The following VAV1 variants were observed in gnomAD, a reference collection of about 807,000 sequenced individuals.
The protein encoded by VAV1 is proto-oncogene vav.
A neutral mutation model predicts 128.1 loss-of-function variants in VAV1; 33 were observed. That is an observed-to-expected ratio of 0.26 (90% CI 0.20 to 0.34). The LOEUF (loss-of-function observed/expected upper bound fraction) is 0.34, where lower values mean the gene tolerates loss of function less well. VAV1 is among the 10% of genes least tolerant of loss of function. VAV1 has a pLI of 1.00. For missense variants in VAV1, 715 were observed against 1,093.7 expected (o/e 0.65, Z 4.88); for synonymous variants, 394 against 409.8 (o/e 0.96, Z 0.47).
chr19:6,795,986 C>G (rs938737559), intron 1 of VAV1, among the ~76,000 whole-genome samples: 1 of 152,042 alleles, frequency 6.6e-6, no homozygotes, highest in Non-Finnish European at 1.5e-5. Context: ...CCCGGCTAGT[C>G]CACTCTGAGA....
At chr19:6,790,513 G>A (rs1355820868) in intron 1 of VAV1, among the ~76,000 whole-genome samples, 2 of 152,152 alleles carry the variant, frequency 1.3e-5, no homozygotes, top group Non-Finnish European at 2.9e-5. Flanking sequence ...ATCTTTCTCT[G>A]CCTATTCCTG....
intron 1 of VAV1, among the ~76,000 whole-genome samples, chr19:6,794,484 G>A (rs1262764343): frequency 6.6e-6 from 1 of 152,094 alleles, no homozygotes; most frequent in Non-Finnish European, 1.5e-5. Flanking sequence ...AGGCCTGGGC[G>A]ACACAATGAG....
chr19:6,825,732 G>A (rs2144777659), intron 8 of VAV1, among the ~76,000 whole-genome samples: 1 of 152,238 alleles, frequency 6.6e-6, no homozygotes, highest in East Asian at 1.9e-4. Flanking sequence ...TTTGTTAAAT[G>A]AAGGAACATT....
At chr19:6,844,060 CTTCTTTTTTTTTTTTT>C (rs1972449946) in intron 22 of VAV1, among the ~76,000 whole-genome samples, 1 of 18,798 alleles carries the variant, frequency 5.3e-5, no homozygotes, top group African/African-American at 1.8e-4. Context: ...TCTTCTTCTT[CTTCTTTTTTTTTTTTT>C]TTTTTTTTTT....
At chr19:6,789,515 T>G (rs1970970561) in intron 1 of VAV1, among the ~76,000 whole-genome samples, 1 of 152,024 alleles carries the variant, frequency 6.6e-6, no homozygotes, top group Non-Finnish European at 1.5e-5. Flanking sequence ...CCTCCCAAAG[T>G]GCTGGGATTT....
intron 1 of VAV1, among the ~76,000 whole-genome samples, chr19:6,815,723 T>C (rs530999582): frequency 1.3e-5 from 2 of 152,304 alleles, no homozygotes; most frequent in Admixed American, 1.3e-4. Context: ...GCTGTGTGTC[T>C]CACCTCAGTT....
chr19:6,809,605 G>A (rs907724215), intron 1 of VAV1, among the ~76,000 whole-genome samples: 4 of 152,086 alleles, frequency 2.6e-5, no homozygotes, highest in African/African-American at 9.7e-5. Context: ...TGGTGAGGTT[G>A]AACTTTGTGT....
chr19:6,805,622 A>G (rs1971380512), intron 1 of VAV1, among the ~76,000 whole-genome samples: 1 of 151,754 alleles, frequency 6.6e-6, no homozygotes, highest in African/African-American at 2.4e-5. Flanking sequence ...ACATACACGC[A>G]CACACACATG....
chr19:6,777,118 A>C lies in VAV1; in HGVS notation c.204+4107A>C, dbSNP rs1327599244. Among the ~76,000 whole-genome samples, 3 of 151,170 alleles carry C rather than the reference A, an allele frequency of 2.0e-5. No homozygotes were observed. The highest frequency in any genetic ancestry group is 4.4e-5 in the Non-Finnish European group (3 of 67,756). ...CATCCATCCATCTACTCATCCATCC[A>C]TCCATCCATCCATCCACCCATCCCA... On this transcript the variant is annotated intron_variant, in intron 1 of 26. Coordinates refer to ENST00000602142, the MANE Select transcript of VAV1 (RefSeq NM_005428.4). The surrounding 1 kb of genome is among the most constrained non-coding windows in gnomAD (Gnocchi z 4.4).
chr19:6,784,482 C>A (rs968783654), intron 1 of VAV1, among the ~76,000 whole-genome samples: 9 of 149,850 alleles, frequency 6.0e-5, no homozygotes, highest in African/African-American at 2.2e-4. Context: ...CCTTTCCATT[C>A]CATTCTGTTC....
rs1163986023 is a variant in VAV1, at chr19:6,828,738, G to T, written c.1179+30G>T. The T allele has an allele frequency of 6.2e-7, 1 of 1,614,044 alleles. No individual in the cohort carries two copies. Among genetic ancestry groups the T allele is most frequent in the Non-Finnish European group, 8.5e-7 (1 of 1,179,942 alleles). ...GGCGGTGGAGCCGGGTGGGCCAGGGGTGTGGCCACGTGGGGAGAGTGTGTG... is the reference window on the plus strand; with the variant it reads ...GGCGGTGGAGCCGGGTGGGCCAGGGTTGTGGCCACGTGGGGAGAGTGTGTG... On this transcript the variant is annotated intron_variant, in intron 12 of 26. Coordinates refer to ENST00000602142, the MANE Select transcript of VAV1 (RefSeq NM_005428.4). This position sits in a 1 kb window ranked among gnomAD's most constrained non-coding sequence, Gnocchi z 4.5.
At chr19:6,782,887 GAAA>G (rs544921560) in intron 1 of VAV1, among the ~76,000 whole-genome samples, 38 of 137,042 alleles carry the variant, frequency 2.8e-4, no homozygotes, top group African/African-American at 9.9e-4. Context: ...TGTCTCGGAA[GAAA>G]AAAAAAAAAG....
At chr19:6,814,308 T>C (rs909413471) in intron 1 of VAV1, among the ~76,000 whole-genome samples, 1 of 152,202 alleles carries the variant, frequency 6.6e-6, no homozygotes, top group African/African-American at 2.4e-5. Context: ...TCCACACCCT[T>C]ATCAAAACAG....
intron 21 of VAV1, among the ~76,000 whole-genome samples, chr19:6,841,790 G>C (rs1379564094): frequency 6.6e-6 from 1 of 151,840 alleles, no homozygotes; most frequent in Non-Finnish European, 1.5e-5. Context: ...GTTTTTCATA[G>C]TGCACCATTT....
At chr19:6,845,741 A>G (rs1972504752) in intron 22 of VAV1, among the ~76,000 whole-genome samples, 1 of 148,642 alleles carries the variant, frequency 6.7e-6, no homozygotes, top group South Asian at 2.1e-4. Context: ...AATAAGATTT[A>G]TAGGTTACCT....
chr19:6,812,124 G>T (rs746706346), intron 1 of VAV1, among the ~76,000 whole-genome samples: 1 of 152,212 alleles, frequency 6.6e-6, no homozygotes, highest in Non-Finnish European at 1.5e-5. Context: ...GCAGTCCTTA[G>T]CTGGGCAGCC....
At chr19:6,781,609 ATTTTT>A in intron 1 of VAV1, among the ~76,000 whole-genome samples, 1 of 141,668 alleles carries the variant, frequency 7.1e-6, no homozygotes, top group African/African-American at 2.6e-5. Flanking sequence ...TCTCTTACTG[ATTTTT>A]TTTTTTTTTT....
chr19:6,773,032 T>C (rs1202064281), intron 1 of VAV1, 21 bp downstream of exon 1: 1 of 1,613,858 alleles, frequency 6.2e-7, no homozygotes, highest in Non-Finnish European at 8.5e-7. Context: ...CGCGGGCAGG[T>C]GTGCTGAGGG....
intron 1 of VAV1, among the ~76,000 whole-genome samples, chr19:6,812,809 G>A (rs144309768): frequency 2.0e-5 from 3 of 152,148 alleles, no homozygotes; most frequent in East Asian, 1.9e-4. Flanking sequence ...TAATGGTAAC[G>A]ATGATGGTGA....
Sources: gnomAD v4.1 joint callset for allele counts (sites outside exome capture counted in the v4.1 genomes callset) on GRCh38, gnomAD v4.1.1 for gene constraint, Gnocchi (gnomAD v3.1) non-coding constraint, MANE v1.5 for transcripts, NCBI Gene and HGNC (gene_info 2026-07-23, HGNC 2026-07-21) for gene names.